Variants in DPH5 observed in about 807,000 individuals in gnomAD.
DPH5 encodes diphthine methyl ester synthase.
In DPH5, 31 loss-of-function variants were observed where a neutral mutation model predicts 31.6. That is an observed-to-expected ratio of 0.98 (90% CI 0.74 to 1.32). The LOEUF (loss-of-function observed/expected upper bound fraction) is 1.32, where lower values mean the gene tolerates loss of function less well. Among genes scored for constraint, DPH5 ranks in the 40% most tolerant of loss-of-function variants. DPH5 has a pLI of 0.00. For synonymous variants in DPH5, 120 were observed against 115.0 expected, an observed-to-expected ratio of 1.04 and a Z score of -0.28; for missense variants, 309 against 335.7, an observed-to-expected ratio of 0.92 and a Z score of 0.62.
chr1:100,991,878 G>C (rs1478032124), intron 7 of DPH5, among the ~76,000 whole-genome samples: 1 of 151,632 alleles, frequency 6.6e-6, no homozygotes, highest in African/African-American at 2.4e-5. Flanking sequence ...AGGCTGAGGT[G>C]GGAGGATTGC....
At chr1:101,024,009 C>T (rs904124893) in intron 2 of DPH5, among the ~76,000 whole-genome samples, 23 of 152,052 alleles carry the variant, frequency 1.5e-4, no homozygotes, top group Non-Finnish European at 2.8e-4. Flanking sequence ...TTTACTTTTC[C>T]TTAATCACTG....
chr1:100,991,093 T>C (rs1247024588), intron 7 of DPH5, among the ~76,000 whole-genome samples: 1 of 151,946 alleles, frequency 6.6e-6, no homozygotes, highest in African/African-American at 2.4e-5. Flanking sequence ...TGTGATAAAC[T>C]TCAGTTTTCT....
chr1:100,995,769 T>C (rs1459130889), intron 5 of DPH5: 2 of 152,290 alleles, frequency 1.3e-5, no homozygotes, highest in Non-Finnish European at 2.9e-5. Context: ...CGGTATACTT[T>C]TTAATCACTC....
At chr1:101,016,145 G>A (rs1407141247) in intron 3 of DPH5, among the ~76,000 whole-genome samples, 1 of 152,078 alleles carries the variant, frequency 6.6e-6, no homozygotes, top group Admixed American at 6.5e-5. Context: ...ACGAGGTCAG[G>A]AGATCGGGAC....
Position 101,025,671 on chromosome 1 carries a change from G to C in DPH5, c.-24+12C>G. On this transcript the variant is annotated intron_variant, in intron 1 of 7. Coordinates refer to ENST00000370109, the MANE Select transcript of DPH5 (RefSeq NM_015958.3). ...TGCCTCTTGTTACACAAACCTAGGAGCAGCCAATTACCCGCTGAGAGAATC... is the reference window on the plus strand; with the variant it reads ...TGCCTCTTGTTACACAAACCTAGGACCAGCCAATTACCCGCTGAGAGAATC... 1.8e-6 allele frequency: 1 copy of C among 545,018 alleles called. No homozygotes were observed. Among genetic ancestry groups the C allele is most frequent in the South Asian group, 2.2e-5 (1 of 45,656 alleles). The allele number at this position is 545,018 out of a possible 1,614,324, so 33.8% of individuals were successfully genotyped here.
intron 4 of DPH5, among the ~76,000 whole-genome samples, chr1:101,007,010 AC>A (rs146162895): frequency 0.1 from 15,699 of 152,232 alleles, 1,015 homozygotes; most frequent in Non-Finnish European, 0.15. Context: ...ATGTTTTAAA[AC>A]CATTTCAGTC....
At chr1:100,992,825 C>T (rs1657895635) in intron 6 of DPH5, 85 bp from the exon 7 acceptor site, 1 of 856,142 alleles carries the variant, frequency 1.2e-6, no homozygotes. Flanking sequence ...CCCAGGTATA[C>T]TCAAGTACCA....
chr1:101,025,479 G>T lies in DPH5; in HGVS notation c.-23-13C>A. ...AGGAGAAGAGAGACTGCAAGACGAAGTGGACAGAAAAACCGTCAGTAACAC... is the reference window on the plus strand; with the variant it reads ...AGGAGAAGAGAGACTGCAAGACGAATTGGACAGAAAAACCGTCAGTAACAC... On this transcript the variant is annotated splice_polypyrimidine_tract_variant and intron_variant, in intron 1 of 7. Transcript: ENST00000370109. 6.2e-7 allele frequency: 1 copy of T among 1,611,680 alleles called. No individual in the cohort carries two copies. The highest frequency in any genetic ancestry group is 8.5e-7 in the Non-Finnish European group (1 of 1,179,518).
chr1:101,020,780 C>T (rs1164367609), intron 3 of DPH5, among the ~76,000 whole-genome samples: 1 of 152,108 alleles, frequency 6.6e-6, no homozygotes, highest in Non-Finnish European at 1.5e-5. Flanking sequence ...TTATCCACCA[C>T]ATTCATCTTG....
At chr1:101,010,560 A>T (rs1052934141) in intron 4 of DPH5, among the ~76,000 whole-genome samples, 1 of 152,220 alleles carries the variant, frequency 6.6e-6, no homozygotes, top group African/African-American at 2.4e-5. Context: ...GGGGTTGATA[A>T]ATTGATAGCT....
intron 6 of DPH5, among the ~76,000 whole-genome samples, chr1:100,994,624 T>G (rs1658162546): frequency 6.6e-6 from 1 of 151,872 alleles, no homozygotes; most frequent in South Asian, 2.1e-4. Flanking sequence ...CCTCCCAGAT[T>G]CAAGCGATTC....
chr1:101,016,447 C>CTT (rs576540490), intron 3 of DPH5, among the ~76,000 whole-genome samples: 10 of 140,428 alleles, frequency 7.1e-5, no homozygotes, highest in East Asian at 2.0e-4. Context: ...TTCTTTCTTT[C>CTT]TTTTTTTTTT....
intron 4 of DPH5, among the ~76,000 whole-genome samples, chr1:101,005,006 G>A (rs1659128496): frequency 6.6e-6 from 1 of 151,914 alleles, no homozygotes; most frequent in Admixed American, 6.6e-5. Context: ...ATTTTATGTA[G>A]CTGACTACTC....
intron 2 of DPH5, among the ~76,000 whole-genome samples, chr1:101,023,679 T>C (rs1160528504): frequency 6.6e-6 from 1 of 152,214 alleles, no homozygotes; most frequent in East Asian, 1.9e-4. Context: ...CAACTGGTAA[T>C]TGCCACTTGA....
chr1:100,995,207 T>C, intron 5 of DPH5, 58 bp from the exon 6 acceptor site: 1 of 1,217,296 alleles, frequency 8.2e-7, no homozygotes, highest in Non-Finnish European at 1.2e-6. Flanking sequence ...CAAAACCCTA[T>C]GTGTAAACCT....
intron 4 of DPH5, among the ~76,000 whole-genome samples, chr1:101,010,230 A>G (rs1181045080): frequency 6.6e-6 from 1 of 152,214 alleles, no homozygotes; most frequent in African/African-American, 2.4e-5. Flanking sequence ...TTCTCTTTAA[A>G]GATGTCTAAC....
chr1:101,021,817 AACACACACACACACACACACACACAC>A (rs67726104), intron 2 of DPH5, 52 bp from the exon 3 acceptor site: 9 of 739,018 alleles, frequency 1.2e-5, no homozygotes, highest in South Asian at 2.6e-5. Flanking sequence ...TGACCATTCT[AACACACACACACACACACACACACAC>A]ACACACACAC....
rs138440743 is a variant in DPH5 at position 101,010,135 on chromosome 1, C to G, written c.369+3575G>C. On this transcript the variant is annotated intron_variant, in intron 4 of 7. Coordinates refer to ENST00000370109, the MANE Select transcript of DPH5 (RefSeq NM_015958.3). ...ATAGAATCTCTTTGAGAGCAAGGAC[C>G]CTATTGGTCAAGTTTATCACTGTAT... is the stretch of plus-strand genomic sequence containing the variant. Among the ~76,000 whole-genome samples, 806 of 152,220 alleles carry G rather than the reference C, an allele frequency of 5.3e-3. 6 individuals carry two copies. The highest frequency in any genetic ancestry group is 0.018 in the African/African-American group (761 of 41,530).
intron 3 of DPH5, among the ~76,000 whole-genome samples, chr1:101,016,447 CTT>C (rs576540490): frequency 1.9e-4 from 26 of 140,338 alleles, no homozygotes; most frequent in Admixed American, 1.4e-4. Context: ...TTCTTTCTTT[CTT>C]TTTTTTTTTT....
Sources: allele counts gnomAD v4.1 joint callset (sites outside exome capture counted in the v4.1 genomes callset), GRCh38; gene constraint gnomAD v4.1.1; transcripts MANE v1.5; gene names NCBI Gene and HGNC (gene_info 2026-07-23, HGNC 2026-07-21).